The following APH1B variants were observed in gnomAD, a reference collection of about 807,000 sequenced individuals.
APH1B encodes gamma-secretase subunit APH-1B.
APH1B carries 27 observed loss-of-function variants against 28.2 expected under a neutral mutation model. That is an observed-to-expected ratio of 0.96 (90% CI 0.70 to 1.32). The LOEUF (loss-of-function observed/expected upper bound fraction) is 1.32, where lower values mean the gene tolerates loss of function less well. Ranked by LOEUF, APH1B falls within the 40% of genes most tolerant of loss-of-function variation. The probability of loss-of-function intolerance (pLI) is 0.00; values close to 1 mark genes in which losing one functional copy is unlikely to be tolerated. For synonymous variants in APH1B, 141 were observed against 124.6 expected (o/e 1.13, Z -0.88); for missense variants, 305 against 313.6 (o/e 0.97, Z 0.21).
chr15:63,301,588 TTTC>T (rs555775095), intron 4 of APH1B, among the ~76,000 whole-genome samples: 303 of 152,102 alleles, frequency 2.0e-3, no homozygotes, highest in African/African-American at 6.7e-3. Flanking sequence ...TTTTCTTTTC[TTTC>T]TTCTTCTTCT....
chr15:63,287,194 T>C (rs1014383103), intron 3 of APH1B: 22 of 452,912 alleles, frequency 4.9e-5, no homozygotes, highest in Non-Finnish European at 8.2e-5. Context: ...TTTTCTCCCC[T>C]TTTTCATTAC....
intron 5 of APH1B, among the ~76,000 whole-genome samples, chr15:63,303,855 AAC>A (rs1555427261): frequency 4.0e-5 from 5 of 125,336 alleles, no homozygotes; most frequent in East Asian, 4.4e-4. Flanking sequence ...TCTCTTGGTG[AAC>A]ACACACACAC....
chr15:63,287,673 G>A, intron 4 of APH1B, 127 bp downstream of exon 4: 1 of 1,220,546 alleles, frequency 8.2e-7, no homozygotes. Context: ...GAAATACTCT[G>A]AGGCACTGTG....
chr15:63,305,809 G>T lies in APH1B; in HGVS notation c.*28G>T, dbSNP rs372470652. ...TCAGGGAACCAGCACTTCCCAAACC[G>T]CAGACTACATCTTTAGAGGAAGCAC... On this transcript the variant is annotated 3_prime_UTR_variant, in exon 6 of 6. Transcript: ENST00000261879. 3.1e-6 allele frequency: 5 copies of T among 1,598,328 alleles called. No individual in the cohort carries two copies. Among genetic ancestry groups the T allele is most frequent in the African/African-American group, 2.7e-5 (2 of 73,764 alleles).
chr15:63,307,437 G>A lies in APH1B; in HGVS notation c.*1656G>A, dbSNP rs549859192. 4 of 152,308 alleles carry A rather than the reference G, an allele frequency of 2.6e-5. No homozygotes were observed. The highest frequency in any genetic ancestry group is 2.1e-4 in the South Asian group (1 of 4,824). 9.4% of individuals were successfully genotyped at this position (152,308 alleles called of 1,614,324 possible). ...CAATGCTGTAAACAGTCTGATAAGCGACTGTGGTTATTCCCCTAAAGTTTA... is the reference window on the plus strand; with the variant it reads ...CAATGCTGTAAACAGTCTGATAAGCAACTGTGGTTATTCCCCTAAAGTTTA... On this transcript the variant is annotated 3_prime_UTR_variant, in exon 6 of 6. Transcript: ENST00000261879.
intron 4 of APH1B, among the ~76,000 whole-genome samples, chr15:63,300,549 C>T (rs1302834649): frequency 6.6e-6 from 1 of 152,222 alleles, no homozygotes; most frequent in African/African-American, 2.4e-5. Context: ...TCAGCGGTCT[C>T]AGCTCCCCGC....
At chr15:63,287,245 T>C in intron 3 of APH1B, 179 bp from the exon 4 acceptor site, 1 of 703,422 alleles carries the variant, frequency 1.4e-6, no homozygotes, top group East Asian at 2.8e-5. Context: ...CTCTTCCCGC[T>C]TCCCTCTCTG....
At position 63,286,654 on chromosome 15, in the gene APH1B, T is replaced by G. The variant is rs373056389; in HGVS notation, c.355+26T>G. 29 of 1,568,612 alleles carry G rather than the reference T, an allele frequency of 1.8e-5. No homozygotes were observed. The East Asian group carries it at 2.3e-4, about 12-fold the overall frequency. ...GTAAGTTAGAACCACATGGTTTCAT[T>G]AAGGAAAAAAATCATACTTGGCATA... On this transcript the variant is annotated intron_variant, in intron 3 of 5. Coordinates refer to ENST00000261879, the MANE Select transcript of APH1B (RefSeq NM_031301.4).
chr15:63,300,499 C>T (rs572404759), intron 4 of APH1B, among the ~76,000 whole-genome samples: 1 of 138,758 alleles, frequency 7.2e-6, no homozygotes, highest in African/African-American at 2.7e-5. Context: ...TCTTTTCTGA[C>T]ACAAAAACTT....
intron 4 of APH1B, among the ~76,000 whole-genome samples, chr15:63,294,382 T>C (rs192843924): frequency 7.4e-4 from 113 of 152,310 alleles, no homozygotes; most frequent in African/African-American, 2.6e-3. Context: ...TCCATGGCCA[T>C]GTTGGGAATT....
At chr15:63,299,953 G>A (rs2038607783) in intron 4 of APH1B, among the ~76,000 whole-genome samples, 1 of 152,056 alleles carries the variant, frequency 6.6e-6, no homozygotes, top group Admixed American at 6.6e-5. Context: ...AGGAATGTGA[G>A]CATGTATGGG....
At position 63,305,868 on chromosome 15, in the gene APH1B, G is replaced by A. The variant is rs557683221; in HGVS notation, c.*87G>A. ...CTTTTTCTGAAAATCCCTTTTTCTG[G>A]TGGAATTGAGAAAGAAATAAAACTA... On this transcript the variant is annotated 3_prime_UTR_variant, in exon 6 of 6. Transcript: ENST00000261879. 6.8e-6 allele frequency: 10 copies of A among 1,472,456 alleles called. No homozygotes were observed. Among genetic ancestry groups the A allele is most frequent in the Non-Finnish European group, 8.2e-6 (9 of 1,095,936 alleles). The allele number at this position is 1,472,456 out of a possible 1,614,324, so 91.2% of individuals were successfully genotyped here.
intron 2 of APH1B, among the ~76,000 whole-genome samples, chr15:63,282,790 A>G (rs1303735566): frequency 1.3e-5 from 2 of 152,164 alleles, no homozygotes; most frequent in Admixed American, 6.5e-5. Flanking sequence ...TAAGATAACC[A>G]TTGCTACAAC....
At chr15:63,295,203 T>C (rs1051306497) in intron 4 of APH1B, among the ~76,000 whole-genome samples, 2 of 152,218 alleles carry the variant, frequency 1.3e-5, no homozygotes, top group African/African-American at 2.4e-5. Flanking sequence ...CTGAAACTAT[T>C]CTAGGCTAGA....
chr15:63,305,904 C>G lies in APH1B; in HGVS notation c.*123C>G, dbSNP rs199999925. On this transcript the variant is annotated 3_prime_UTR_variant, in exon 6 of 6. Transcript: ENST00000261879. ...AAAGAAATAAAACTATGCAGATATG[C>G]GTTCCATTCACTTGGCTTTCACACA... 1.1e-5 allele frequency: 14 copies of G among 1,284,662 alleles called. No homozygotes were observed. The highest frequency in any genetic ancestry group is 1.4e-5 in the Non-Finnish European group (13 of 953,780). 79.6% of individuals were successfully genotyped at this position (1,284,662 alleles called of 1,614,324 possible). A position where few individuals can be genotyped will look rare whatever the true frequency, so the allele number is the denominator to read the frequency against.
chr15:63,299,669 G>T (rs891364921), intron 4 of APH1B, among the ~76,000 whole-genome samples: 1 of 152,050 alleles, frequency 6.6e-6, no homozygotes, highest in Non-Finnish European at 1.5e-5. Flanking sequence ...CTCCCAAAGT[G>T]CTGGGATTAC....
At chr15:63,280,849 G>T (rs2152591953) in intron 2 of APH1B, among the ~76,000 whole-genome samples, 1 of 152,266 alleles carries the variant, frequency 6.6e-6, no homozygotes, top group Non-Finnish European at 1.5e-5. Flanking sequence ...ATATCATTAA[G>T]GTAACCACAT....
At chr15:63,298,943 C>T (rs995668919) in intron 4 of APH1B, among the ~76,000 whole-genome samples, 1 of 149,240 alleles carries the variant, frequency 6.7e-6, no homozygotes, top group African/African-American at 2.5e-5. Flanking sequence ...AAATAATTTA[C>T]GGAGGAGAGG....
At chr15:63,287,814 A>C (rs1595760645) in intron 4 of APH1B, among the ~76,000 whole-genome samples, 1 of 152,212 alleles carries the variant, frequency 6.6e-6, no homozygotes, top group Non-Finnish European at 1.5e-5. Flanking sequence ...TTAGAAGTGA[A>C]TTTTTAAAGG....
Sources: gnomAD v4.1 joint callset for allele counts (sites outside exome capture counted in the v4.1 genomes callset) on GRCh38, gnomAD v4.1.1 for gene constraint, MANE v1.5 for transcripts, NCBI Gene and HGNC (gene_info 2026-07-23, HGNC 2026-07-21) for gene names.